The following ZNF536 variants were observed in gnomAD, a reference collection of about 807,000 sequenced individuals.
ZNF536 encodes zinc finger protein 536.
ZNF536 carries 13 observed loss-of-function variants against 84.5 expected under a neutral mutation model. The observed-to-expected ratio is 0.15, with a 90% CI of 0.10 to 0.24. The LOEUF (loss-of-function observed/expected upper bound fraction) is 0.24. Among genes scored for constraint, ZNF536 ranks in the 10% least tolerant of loss-of-function variants. ZNF536 has a pLI of 1.00. For synonymous variants in ZNF536, 811 were observed against 742.5 expected (o/e 1.09, Z -1.50); for missense variants, 1,536 against 1,747.5 (o/e 0.88, Z 2.16).
upstream of ZNF536, among the ~76,000 whole-genome samples, chr19:30,367,528 C>T (rs2048475367): frequency 6.6e-6 from 1 of 152,168 alleles, no homozygotes; most frequent in Non-Finnish European, 1.5e-5. Flanking sequence ...CCATGCATGG[C>T]AAAGCCCAGG....
At chr19:30,385,052 G>C (rs898816965) in intron 1 of ZNF536, among the ~76,000 whole-genome samples, 13 of 151,972 alleles carry the variant, frequency 8.6e-5, no homozygotes, top group African/African-American at 3.1e-4. Flanking sequence ...AAAAAACCCA[G>C]CTCCACCTCC....
At chr19:30,277,684 C>T (rs2045286989) in intron 1 of ZNF536, among the ~76,000 whole-genome samples, 1 of 152,252 alleles carries the variant, frequency 6.6e-6, no homozygotes, top group East Asian at 1.9e-4. Flanking sequence ...CACACACACT[C>T]ATACAGGTGC....
chr19:30,544,879 A>G (rs916564986), intron 3 of ZNF536, among the ~76,000 whole-genome samples: 4 of 152,180 alleles, frequency 2.6e-5, no homozygotes, highest in Non-Finnish European at 4.4e-5. Flanking sequence ...TGAGGAAGAA[A>G]AAGTCCCAAG....
intron 2 of ZNF536, among the ~76,000 whole-genome samples, chr19:30,333,119 C>G (rs2047267940): frequency 6.6e-6 from 1 of 151,938 alleles, no homozygotes; most frequent in South Asian, 2.1e-4. Context: ...TCACTGCACT[C>G]CAGCCTGCAT....
chr19:30,342,331 T>C (rs773771037), intron 2 of ZNF536, among the ~76,000 whole-genome samples: 2 of 152,214 alleles, frequency 1.3e-5, no homozygotes, highest in Non-Finnish European at 2.9e-5. Context: ...TATATTTATT[T>C]ATTTTGCTAT....
chr19:30,370,461 T>C (rs950847247), upstream of ZNF536, among the ~76,000 whole-genome samples: 1 of 152,200 alleles, frequency 6.6e-6, no homozygotes, highest in Admixed American at 6.5e-5. Flanking sequence ...CTGACCATGA[T>C]TGCAAATTAC....
intron 1 of ZNF536, among the ~76,000 whole-genome samples, chr19:30,276,749 A>G (rs1445581386): frequency 6.6e-6 from 1 of 152,182 alleles, no homozygotes; most frequent in Admixed American, 6.5e-5. Flanking sequence ...TTGGATGTGT[A>G]CTGTTAAACC....
At chr19:30,437,222 A>G (rs2051792289) in intron 1 of ZNF536, among the ~76,000 whole-genome samples, 1 of 152,160 alleles carries the variant, frequency 6.6e-6, no homozygotes. Context: ...GACTCGTAGC[A>G]GCTGGCATCT....
chr19:30,478,323 C>T (rs1260765085), intron 2 of ZNF536, among the ~76,000 whole-genome samples: 2 of 152,152 alleles, frequency 1.3e-5, no homozygotes, highest in Non-Finnish European at 2.9e-5. Flanking sequence ...CTCTGCCCCA[C>T]GCGGGGTTGA....
chr19:30,680,873 T>A (rs1015074659), intron 1 of ZNF536, among the ~76,000 whole-genome samples: 2 of 152,094 alleles, frequency 1.3e-5, no homozygotes, highest in African/African-American at 4.8e-5. Flanking sequence ...CCACCAACAG[T>A]GTAAAAGTGT....
At chr19:30,246,807 G>T (rs1431679733) in intron 1 of ZNF536, among the ~76,000 whole-genome samples, 1 of 152,152 alleles carries the variant, frequency 6.6e-6, no homozygotes, top group Non-Finnish European at 1.5e-5. Flanking sequence ...AATTCAATGA[G>T]TAAAAAAGTC....
chr19:30,473,125 G>A (rs1487574619), intron 2 of ZNF536, among the ~76,000 whole-genome samples: 1 of 151,906 alleles, frequency 6.6e-6, no homozygotes, highest in East Asian at 1.9e-4. Context: ...AGAACTGCTT[G>A]AACCCAGGAG....
chr19:30,443,916 C>T lies in ZNF536; in HGVS notation c.354C>T (p.Ser118=), dbSNP rs764450173. Residue 118 remains serine, a synonymous_variant, in exon 2 of 5, where the codon AGC becomes AGT. Coordinates refer to ENST00000355537, the MANE Select transcript of ZNF536 (RefSeq NM_014717.3). ...ACCTGGGCATCATGTCCCAGATGAGCGACATCGAGGACGACGCCCGCAAGA... is the reference window on the plus strand; with the variant it reads ...ACCTGGGCATCATGTCCCAGATGAGTGACATCGAGGACGACGCCCGCAAGA... The part of the protein sequence containing the change: ...GQNLGIMSQM[S]DIEDDARKNR... 6.2e-7 allele frequency: 1 copy of T among 1,613,632 alleles called. No homozygotes were observed. Among genetic ancestry groups the T allele is most frequent in the South Asian group, 1.1e-5 (1 of 91,084 alleles).
intron 2 of ZNF536, among the ~76,000 whole-genome samples, chr19:30,462,305 T>A (rs922300651): frequency 5.4e-5 from 8 of 148,604 alleles, no homozygotes; most frequent in South Asian, 2.1e-4. Flanking sequence ...TGTGTGTGAG[T>A]GTGTGTGTGT....
chr19:30,521,372 G>A (rs545652756), intron 2 of ZNF536, among the ~76,000 whole-genome samples: 77 of 152,252 alleles, frequency 5.1e-4, no homozygotes, highest in Non-Finnish European at 9.1e-4. Flanking sequence ...GCTTCTTCTG[G>A]GGGGCTTGTT....
At chr19:30,587,677 A>G (rs775440612) in intron 1 of ZNF536, among the ~76,000 whole-genome samples, 1 of 152,236 alleles carries the variant, frequency 6.6e-6, no homozygotes, top group Non-Finnish European at 1.5e-5. Context: ...AGGATTAACA[A>G]GGACATGTTT....
At chr19:30,232,166 C>A (rs182940747) in intron 1 of ZNF536, among the ~76,000 whole-genome samples, 16 of 152,120 alleles carry the variant, frequency 1.1e-4, no homozygotes, top group Middle Eastern at 6.8e-3. Flanking sequence ...GGGCCTCCCC[C>A]GGCCAGTTGA....
At chr19:30,665,135 G>A (rs937526083) in intron 1 of ZNF536, 2 of 152,264 alleles carry the variant, frequency 1.3e-5, no homozygotes, top group African/African-American at 2.4e-5. Flanking sequence ...CCTGAGGTCA[G>A]GACTTCGAAA....
intron 1 of ZNF536, among the ~76,000 whole-genome samples, chr19:30,672,200 A>T (rs1398568563): frequency 2.6e-5 from 4 of 152,248 alleles, no homozygotes; most frequent in Non-Finnish European, 5.9e-5. Flanking sequence ...AGAACTTCTT[A>T]CAAATGATCT....
Sources: allele counts gnomAD v4.1 joint callset (sites outside exome capture counted in the v4.1 genomes callset), GRCh38; gene constraint gnomAD v4.1.1; transcripts MANE v1.5; gene names NCBI Gene and HGNC (gene_info 2026-07-23, HGNC 2026-07-21).